Variants in WWOX observed in about 807,000 individuals in gnomAD.
WWOX encodes WW domain-containing oxidoreductase.
Under a neutral mutation model 46.2 loss-of-function variants are expected in WWOX, and 69 were observed. The observed-to-expected ratio is 1.49, with a 90% confidence interval of 1.23 to 1.82. WWOX has a LOEUF of 1.82. Ranked by LOEUF, WWOX falls within the 40% of genes most tolerant of loss-of-function variation. WWOX has a pLI of 0.00. For missense variants in WWOX, 919 were observed against 542.6 expected, an observed-to-expected ratio of 1.69 and a Z score of -6.89; for synonymous variants, 359 against 202.6, an observed-to-expected ratio of 1.77 and a Z score of -6.56.
intron 8 of WWOX, among the ~76,000 whole-genome samples, chr16:78,996,853 G>A (rs750031786): frequency 5.2e-4 from 79 of 152,230 alleles, no homozygotes; most frequent in South Asian, 3.5e-3. Flanking sequence ...CCCGGCCTCC[G>A]ACACATGTGC....
chr16:78,790,358 C>A (rs1476840141), intron 8 of WWOX, among the ~76,000 whole-genome samples: 1 of 152,098 alleles, frequency 6.6e-6, no homozygotes, highest in African/African-American at 2.4e-5. Flanking sequence ...TGCTCTCAAA[C>A]TCCTGACATC....
intron 8 of WWOX, among the ~76,000 whole-genome samples, chr16:79,180,656 TCTTTCTCTCTCTTC>T (rs149249609): frequency 0.052 from 7,894 of 152,144 alleles, 688 homozygotes; most frequent in African/African-American, 0.18. Flanking sequence ...TTTCTCTTCT[TCTTTCTCTCTCTTC>T]TCTCTCTCTT....
intron 8 of WWOX, chr16:78,898,613 A>T (rs1055372488): frequency 6.6e-6 from 1 of 152,102 alleles, no homozygotes; most frequent in Non-Finnish European, 1.5e-5. Flanking sequence ...CCTTTTACAT[A>T]TATATTTCCT....
chr16:78,808,898 C>G (rs1013743241), intron 8 of WWOX, among the ~76,000 whole-genome samples: 3 of 152,146 alleles, frequency 2.0e-5, no homozygotes, highest in Non-Finnish European at 2.9e-5. Context: ...GTGGAGCCAT[C>G]TAAATTCCGT....
At chr16:78,114,089 CTT>C (rs759734805) in intron 3 of WWOX, among the ~76,000 whole-genome samples, 72 of 104,040 alleles carry the variant, frequency 6.9e-4, no homozygotes, top group Admixed American at 1.8e-3. Context: ...CCATATGTGC[CTT>C]TTTTTTTTTT....
rs5818153 is a variant in WWOX, at chr16:78,555,585, CT to C, written c.1056+122849del. 6.1e-3 allele frequency among the ~76,000 whole-genome samples: 859 copies of C among 140,946 alleles called. 11 individuals are homozygous for C. The highest frequency in any genetic ancestry group is 0.02 in the African/African-American group (780 of 38,168). 92.5% of individuals were successfully genotyped at this position (140,946 alleles called of 152,430 possible). Reference sequence around the variant, plus strand: ...CACATTCCCCACTAAAGGAGTGCCACTTTTTTTTTTTTTTTTACTACTTGCA... The same window carrying C: ...CACATTCCCCACTAAAGGAGTGCCACTTTTTTTTTTTTTTTACTACTTGCA... On this transcript the variant is annotated intron_variant, in intron 8 of 8. Transcript: ENST00000566780.
At chr16:78,496,169 C>T (rs938364642) in intron 8 of WWOX, 1 of 152,194 alleles carries the variant, frequency 6.6e-6, no homozygotes, top group African/African-American at 2.4e-5. Flanking sequence ...CCTAAATCTT[C>T]ATTCTCGTCC....
At chr16:79,009,938 A>G in intron 8 of WWOX, among the ~76,000 whole-genome samples, 1 of 152,326 alleles carries the variant, frequency 6.6e-6, no homozygotes, top group East Asian at 1.9e-4. Context: ...TAATTTGTCT[A>G]TTAACGTGTG....
At chr16:78,710,527 ATATT>A (rs1346533737) in intron 8 of WWOX, among the ~76,000 whole-genome samples, 2 of 113,716 alleles carry the variant, frequency 1.8e-5, no homozygotes, top group African/African-American at 6.4e-5. Flanking sequence ...ATATTTAAAA[ATATT>A]TATATTTTAT....
chr16:78,796,392 A>C (rs1056764151), intron 8 of WWOX, among the ~76,000 whole-genome samples: 5 of 152,214 alleles, frequency 3.3e-5, no homozygotes, highest in Admixed American at 6.5e-5. Flanking sequence ...ATTATAGGTC[A>C]AGCCTGGAAG....
At position 78,480,215 on chromosome 16, in the gene WWOX, A is replaced by G. The variant is rs956732982; in HGVS notation, c.1056+47463A>G. Among the ~76,000 whole-genome samples the G allele has an allele frequency of 2.0e-5, 3 of 152,210 alleles. No individual in the cohort carries two copies. The South Asian group carries it at 6.2e-4, about 31-fold the overall frequency. ...CACATTTCAAATCTTCAGTAGCCAG[A>G]TGTGGTTATTGGCTACCATATTGGG... On this transcript the variant is annotated intron_variant, in intron 8 of 8. Transcript: ENST00000566780.
At chr16:79,018,848 A>G (rs1186240731) in intron 8 of WWOX, among the ~76,000 whole-genome samples, 1 of 152,104 alleles carries the variant, frequency 6.6e-6, no homozygotes, top group Non-Finnish European at 1.5e-5. Flanking sequence ...TGGGGATAGA[A>G]ATATACAAAT....
At chr16:78,228,009 C>T (rs1017475539) in intron 5 of WWOX, among the ~76,000 whole-genome samples, 1 of 152,278 alleles carries the variant, frequency 6.6e-6, no homozygotes, top group Non-Finnish European at 1.5e-5. Flanking sequence ...CCAACATGGT[C>T]TATGGACCCT....
At chr16:78,348,382 G>C (rs964548146) in intron 5 of WWOX, among the ~76,000 whole-genome samples, 1 of 121,318 alleles carries the variant, frequency 8.2e-6, no homozygotes, top group Non-Finnish European at 2.0e-5. Context: ...TGGGAAGGGG[G>C]ATAGGTTGTT....
chr16:78,267,956 T>A (rs1480841700), intron 5 of WWOX, among the ~76,000 whole-genome samples: 2 of 152,164 alleles, frequency 1.3e-5, no homozygotes, highest in Non-Finnish European at 2.9e-5. Context: ...TAGCTGGGAC[T>A]ATAGGTGCGT....
chr16:78,647,489 C>T (rs2046871494), intron 8 of WWOX, among the ~76,000 whole-genome samples: 2 of 152,186 alleles, frequency 1.3e-5, no homozygotes, highest in Non-Finnish European at 2.9e-5. Flanking sequence ...TTGCAAAGCA[C>T]CTTGGGGTCT....
At chr16:78,181,079 C>A (rs561054195) in intron 5 of WWOX, among the ~76,000 whole-genome samples, 15 of 151,964 alleles carry the variant, frequency 9.9e-5, no homozygotes, top group Admixed American at 2.0e-4. Flanking sequence ...TGAAGCCTGT[C>A]GAGATAAATG....
At chr16:78,565,627 C>T (rs919145023) in intron 8 of WWOX, among the ~76,000 whole-genome samples, 1 of 152,190 alleles carries the variant, frequency 6.6e-6, no homozygotes, top group South Asian at 2.1e-4. Context: ...TCCCCTTTGC[C>T]ATGGCTGATG....
chr16:78,193,452 T>G (rs561404264), intron 5 of WWOX, among the ~76,000 whole-genome samples: 1 of 69,228 alleles, frequency 1.4e-5, no homozygotes, highest in South Asian at 4.6e-4. Flanking sequence ...CAGGAAAACA[T>G]TAACTAGTCT....
Sources: allele counts gnomAD v4.1 joint callset (sites outside exome capture counted in the v4.1 genomes callset), GRCh38; gene constraint gnomAD v4.1.1; transcripts MANE v1.5; gene names NCBI Gene and HGNC (gene_info 2026-07-23, HGNC 2026-07-21).